The following KCNJ6 variants were observed in gnomAD, a reference collection of about 807,000 sequenced individuals.
KCNJ6 encodes G protein-activated inward rectifier potassium channel 2.
KCNJ6 carries 9 observed loss-of-function variants against 34.2 expected under a neutral mutation model. The ratio of observed to expected loss-of-function variants is 0.26; its 90% CI spans 0.16 to 0.46. The LOEUF (loss-of-function observed/expected upper bound fraction) is 0.46. Among genes scored for constraint, KCNJ6 ranks in the 20% least tolerant of loss-of-function variants. The pLI, the probability that KCNJ6 is intolerant of heterozygous loss-of-function variation, is 1.00. For missense variants in KCNJ6, 236 were observed against 531.3 expected (o/e 0.44, Z 5.46); for synonymous variants, 196 against 207.1 (o/e 0.95, Z 0.46).
chr21:37,854,775 A>G (rs1005677357), intron 1 of KCNJ6, among the ~76,000 whole-genome samples: 2 of 152,254 alleles, frequency 1.3e-5, no homozygotes, highest in African/African-American at 2.4e-5. Flanking sequence ...ACAACCATTA[A>G]GTACCAATAC....
rs140520169 is a variant in KCNJ6 at position 37,721,124 on chromosome 21, T to G, written c.26-5993A>C. 1.8e-4 allele frequency among the ~76,000 whole-genome samples: 28 copies of G among 152,330 alleles called. No homozygotes were observed. In the East Asian group the frequency reaches 5.2e-3, roughly 28 times the overall value. ...TTCAGAAATGGGCAAAGGACTTGAA[T>G]AGACATCTCTCCAAAGAAGATATCC... On this transcript the variant is annotated intron_variant, in intron 2 of 3. Coordinates refer to ENST00000609713, the MANE Select transcript of KCNJ6 (RefSeq NM_002240.5).
At chr21:37,852,344 T>A (rs963589206) in intron 1 of KCNJ6, among the ~76,000 whole-genome samples, 1 of 152,184 alleles carries the variant, frequency 6.6e-6, no homozygotes, top group Non-Finnish European at 1.5e-5. Context: ...GGAGGGCCAG[T>A]ATAGAGTCAG....
At chr21:37,834,072 C>A (rs1046416789) in intron 2 of KCNJ6, among the ~76,000 whole-genome samples, 1 of 152,166 alleles carries the variant, frequency 6.6e-6, no homozygotes, top group African/African-American at 2.4e-5. Context: ...GTCCCCAGAG[C>A]CTCTCAGCTC....
intron 2 of KCNJ6, among the ~76,000 whole-genome samples, chr21:37,835,290 G>A (rs1251187084): frequency 3.3e-5 from 5 of 152,150 alleles, no homozygotes; most frequent in African/African-American, 9.7e-5. Flanking sequence ...GAGGTGGGGG[G>A]TCCTAGGGAA....
In KCNJ6 at chr21:37,912,493, AC is replaced by A. The variant is rs1232718488; in HGVS notation, c.-28+3390del. Among the ~76,000 whole-genome samples the A allele has an allele frequency of 2.6e-5, 4 of 152,216 alleles. No homozygotes were observed. In the South Asian group the frequency reaches 6.2e-4, roughly 24 times the overall value. ...AGAAATACATTACTTTGTTTATCTA[AC>A]AGTCTATATTCTCGTATAGCTTCAT... is the stretch of plus-strand genomic sequence containing the variant. On this transcript the variant is annotated intron_variant, in intron 1 of 3. Transcript: ENST00000609713.
At chr21:37,908,934 T>C (rs2055854600) in intron 1 of KCNJ6, among the ~76,000 whole-genome samples, 1 of 152,234 alleles carries the variant, frequency 6.6e-6, no homozygotes, top group Non-Finnish European at 1.5e-5. Context: ...TCCCTCCTCC[T>C]GGATATAGAG....
chr21:37,751,098 A>G (rs752222499), intron 2 of KCNJ6, among the ~76,000 whole-genome samples: 3 of 152,220 alleles, frequency 2.0e-5, no homozygotes, highest in Non-Finnish European at 4.4e-5. Flanking sequence ...GAAGTAGGGA[A>G]TATTTTTGAG....
chr21:37,745,327 G>T (rs1431255998), intron 2 of KCNJ6, among the ~76,000 whole-genome samples: 3 of 151,950 alleles, frequency 2.0e-5, no homozygotes. Flanking sequence ...TTACTCTGTT[G>T]CCCAGGCTGG....
intron 1 of KCNJ6, among the ~76,000 whole-genome samples, chr21:37,876,803 G>A (rs1262672597): frequency 6.6e-6 from 1 of 152,072 alleles, no homozygotes; most frequent in African/African-American, 2.4e-5. Context: ...AGGGGCTGTG[G>A]GGATAATGTA....
At chr21:37,628,170 G>A (rs1016085843) in intron 3 of KCNJ6, among the ~76,000 whole-genome samples, 3 of 152,132 alleles carry the variant, frequency 2.0e-5, no homozygotes, top group African/African-American at 7.2e-5. Context: ...ACACAGGAAG[G>A]CAAGCAGTCA....
intron 1 of KCNJ6, among the ~76,000 whole-genome samples, chr21:37,866,083 G>A (rs2055621402): frequency 2.0e-5 from 3 of 152,292 alleles, no homozygotes; most frequent in African/African-American, 7.2e-5. Flanking sequence ...GGAGGTTATC[G>A]CAGATAATCT....
chr21:37,635,973 G>C (rs1426627521), intron 3 of KCNJ6, among the ~76,000 whole-genome samples: 2 of 152,140 alleles, frequency 1.3e-5, no homozygotes, highest in Admixed American at 1.3e-4. Context: ...GGTCCTTCTT[G>C]TTCAGTGTTT....
chr21:37,808,553 G>T (rs967645636), intron 2 of KCNJ6, among the ~76,000 whole-genome samples: 4 of 152,134 alleles, frequency 2.6e-5, no homozygotes, highest in Non-Finnish European at 2.9e-5. Flanking sequence ...CAATAATAAC[G>T]CTATTGACTT....
At chr21:37,645,247 C>A (rs1438446942) in intron 3 of KCNJ6, among the ~76,000 whole-genome samples, 1 of 152,026 alleles carries the variant, frequency 6.6e-6, no homozygotes, top group Non-Finnish European at 1.5e-5. Flanking sequence ...GTGGTCCCAG[C>A]TACTCAGGAG....
chr21:37,907,214 G>C (rs1337188548), intron 1 of KCNJ6, among the ~76,000 whole-genome samples: 1 of 152,202 alleles, frequency 6.6e-6, no homozygotes, highest in African/African-American at 2.4e-5. Flanking sequence ...CATGAGCAGT[G>C]AGTCCTGTAC....
chr21:37,759,199 G>C (rs567348920), intron 2 of KCNJ6, among the ~76,000 whole-genome samples: 1 of 152,244 alleles, frequency 6.6e-6, no homozygotes, highest in African/African-American at 2.4e-5. Flanking sequence ...TAATTTGTCC[G>C]GGCTGCATCT....
At chr21:37,672,465 G>A (rs779109125) in intron 3 of KCNJ6, among the ~76,000 whole-genome samples, 7 of 151,968 alleles carry the variant, frequency 4.6e-5, no homozygotes, top group African/African-American at 9.7e-5. Context: ...CCTAGGAACC[G>A]GCAGCATCGG....
chr21:37,718,806 A>G (rs1411867883), intron 2 of KCNJ6, among the ~76,000 whole-genome samples: 3 of 152,214 alleles, frequency 2.0e-5, no homozygotes, highest in Admixed American at 2.0e-4. Context: ...CCTAGAACTT[A>G]AAGTATAATA....
chr21:37,760,660 C>T (rs895764360), intron 2 of KCNJ6, among the ~76,000 whole-genome samples: 10 of 152,190 alleles, frequency 6.6e-5, no homozygotes, highest in Middle Eastern at 3.2e-3. Flanking sequence ...GAACTTCAGG[C>T]GAGTGTCTCA....
Sources: allele counts gnomAD v4.1 joint callset (sites outside exome capture counted in the v4.1 genomes callset), GRCh38; gene constraint gnomAD v4.1.1; transcripts MANE v1.5; gene names NCBI Gene and HGNC (gene_info 2026-07-23, HGNC 2026-07-21).